Variants in AGBL4 observed in about 807,000 individuals in gnomAD.
AGBL4 encodes cytosolic carboxypeptidase 6.
A neutral mutation model predicts 66.4 loss-of-function variants in AGBL4; 58 were observed. The ratio of observed to expected loss-of-function variants is 0.87; its 90% CI spans 0.71 to 1.09. The LOEUF is 1.09. Ranked by LOEUF, AGBL4 falls within the 50% of genes least tolerant of loss-of-function variation. The pLI, the probability that AGBL4 is intolerant of heterozygous loss-of-function variation, is 0.00. For missense variants in AGBL4, 579 were observed against 631.0 expected, an observed-to-expected ratio of 0.92 and a Z score of 0.88; for synonymous variants, 234 against 222.9, an observed-to-expected ratio of 1.05 and a Z score of -0.44.
At chr1:49,698,216 A>AATT (rs552874649) in intron 2 of AGBL4, among the ~76,000 whole-genome samples, 1,686 of 152,244 alleles carry the variant, frequency 0.011, 27 homozygotes, top group African/African-American at 0.039. Context: ...CTAACTAAGC[A>AATT]ACTTTAGACA....
chr1:49,232,567 C>T (rs1418511402), intron 4 of AGBL4, among the ~76,000 whole-genome samples: 2 of 151,810 alleles, frequency 1.3e-5, no homozygotes, highest in South Asian at 2.1e-4. Flanking sequence ...GGCATGGTGG[C>T]GGATGCCTGT....
intron 1 of AGBL4, among the ~76,000 whole-genome samples, chr1:49,881,379 T>A (rs1017262491): frequency 1.3e-5 from 2 of 152,136 alleles, no homozygotes; most frequent in African/African-American, 4.8e-5. Flanking sequence ...CAGCATGATT[T>A]ATAGTCCTCT....
chr1:49,045,441 T>TA (rs1644054221), intron 5 of AGBL4, 143 bp downstream of exon 5: 4 of 591,454 alleles, frequency 6.8e-6, no homozygotes, highest in Non-Finnish European at 8.7e-6. Context: ...ATTATATAAT[T>TA]GTTTAATTGT....
At chr1:48,634,646 G>A (rs200479307) in intron 8 of AGBL4, 42 bp from the exon 9 acceptor site, 2 of 1,424,058 alleles carry the variant, frequency 1.4e-6, no homozygotes, top group African/African-American at 2.8e-5. Context: ...GACAGGATAA[G>A]CTGAGCTTCT....
intron 6 of AGBL4, among the ~76,000 whole-genome samples, chr1:48,669,046 G>A (rs950515763): frequency 6.6e-6 from 1 of 152,098 alleles, no homozygotes; most frequent in African/African-American, 2.4e-5. Context: ...GAGGAGGACC[G>A]TGTTCCCTGT....
intron 5 of AGBL4, among the ~76,000 whole-genome samples, chr1:48,915,317 T>G (rs1334484955): frequency 6.6e-6 from 1 of 152,240 alleles, no homozygotes; most frequent in Non-Finnish European, 1.5e-5. Context: ...GAAGTCCTAG[T>G]CATCCTTCAA....
chr1:49,892,050 G>C (rs1250225112), intron 1 of AGBL4, among the ~76,000 whole-genome samples: 2 of 152,274 alleles, frequency 1.3e-5, no homozygotes, highest in African/African-American at 4.8e-5. Context: ...CAGAGGGACA[G>C]AGCATGATGG....
At chr1:48,811,354 T>C (rs893925141) in intron 6 of AGBL4, among the ~76,000 whole-genome samples, 5 of 152,202 alleles carry the variant, frequency 3.3e-5, no homozygotes, top group Admixed American at 6.5e-5. Context: ...CATAGACCTC[T>C]AGTGAGAAAG....
chr1:49,498,341 T>C (rs970693572), intron 3 of AGBL4, among the ~76,000 whole-genome samples: 1 of 151,922 alleles, frequency 6.6e-6, no homozygotes, highest in Non-Finnish European at 1.5e-5. Flanking sequence ...CTTTCCTATA[T>C]GAATGTCCTT....
intron 3 of AGBL4, among the ~76,000 whole-genome samples, chr1:49,349,697 G>A (rs1645709957): frequency 6.6e-6 from 1 of 152,040 alleles, no homozygotes; most frequent in Non-Finnish European, 1.5e-5. Context: ...CAGTGTTATG[G>A]GCTGAATTAT....
intron 5 of AGBL4, among the ~76,000 whole-genome samples, chr1:48,907,508 C>T (rs1652711258): frequency 6.6e-6 from 1 of 151,946 alleles, no homozygotes; most frequent in Non-Finnish European, 1.5e-5. Context: ...CTGGAGCAAG[C>T]CAGGGGGGAA....
At chr1:48,723,406 G>A (rs556268612) in intron 6 of AGBL4, among the ~76,000 whole-genome samples, 75 of 152,266 alleles carry the variant, frequency 4.9e-4, no homozygotes, top group East Asian at 2.7e-3. Flanking sequence ...GAGGAGATTC[G>A]GGTGGAAAAC....
At chr1:49,675,993 A>G (rs1050179442) in intron 3 of AGBL4, among the ~76,000 whole-genome samples, 52 of 152,110 alleles carry the variant, frequency 3.4e-4, no homozygotes, top group African/African-American at 1.2e-3. Context: ...TCACAATTAT[A>G]GCTTTGGCTG....
At chr1:49,312,738 G>A (rs1312842904) in intron 3 of AGBL4, among the ~76,000 whole-genome samples, 3 of 151,908 alleles carry the variant, frequency 2.0e-5, no homozygotes, top group Non-Finnish European at 2.9e-5. Context: ...AACATCATAC[G>A]TCAATTAGAG....
chr1:49,397,706 A>C (rs1645001647), intron 3 of AGBL4, among the ~76,000 whole-genome samples: 1 of 152,146 alleles, frequency 6.6e-6, no homozygotes, highest in South Asian at 2.1e-4. Context: ...TCTCCCTTAT[A>C]CTAGCTCCTT....
intron 5 of AGBL4, among the ~76,000 whole-genome samples, chr1:48,893,411 G>T (rs941842065): frequency 1.3e-5 from 2 of 152,070 alleles, no homozygotes; most frequent in African/African-American, 2.4e-5. Flanking sequence ...GCCGGGCGTG[G>T]TGGCTCATGC....
At chr1:49,029,001 C>T (rs1198918554) in intron 5 of AGBL4, among the ~76,000 whole-genome samples, 1 of 152,038 alleles carries the variant, frequency 6.6e-6, no homozygotes. Flanking sequence ...TCATTTGATA[C>T]AATCCAACAC....
At chr1:48,804,854 A>T (rs548713205) in intron 6 of AGBL4, among the ~76,000 whole-genome samples, 1 of 152,172 alleles carries the variant, frequency 6.6e-6, no homozygotes, top group Non-Finnish European at 1.5e-5. Context: ...GAAGCTCAGA[A>T]ATTTTGTTTT....
At chr1:49,600,950 AT>A (rs1321463060) in intron 3 of AGBL4, among the ~76,000 whole-genome samples, 1 of 152,146 alleles carries the variant, frequency 6.6e-6, no homozygotes, top group African/African-American at 2.4e-5. Context: ...AGAATGTTGA[AT>A]TTGGGCCCCC....
Sources: allele counts gnomAD v4.1 joint callset (sites outside exome capture counted in the v4.1 genomes callset), GRCh38; gene constraint gnomAD v4.1.1; transcripts MANE v1.5; gene names NCBI Gene and HGNC (gene_info 2026-07-23, HGNC 2026-07-21).